PARVB: variants seen among roughly 807,000 people sequenced by gnomAD.
PARVB encodes the protein parvin beta, also known as beta-parvin.
Under a neutral mutation model 47.0 loss-of-function variants are expected in PARVB, and 46 were observed. The ratio of observed to expected loss-of-function variants is 0.98; its 90% CI spans 0.77 to 1.25. PARVB has a LOEUF of 1.25. Among genes scored for constraint, PARVB ranks in the 50% most tolerant of loss-of-function variants. The probability of loss-of-function intolerance (pLI) is 0.00; values close to 1 mark genes in which losing one functional copy is unlikely to be tolerated. For synonymous variants in PARVB, 196 were observed against 196.3 expected, an observed-to-expected ratio of 1.00 and a Z score of 0.01; for missense variants, 473 against 471.6, an observed-to-expected ratio of 1.00 and a Z score of -0.03.
chr22:44,075,371 G>A (rs936946098), intron 1 of PARVB, among the ~76,000 whole-genome samples: 2 of 152,342 alleles, frequency 1.3e-5, no homozygotes, highest in South Asian at 2.1e-4. Flanking sequence ...GAGATTTCCC[G>A]TGACTGCACG....
Position 44,007,548 on chromosome 22 carries a change from G to T in PARVB, c.211+7875G>T, listed in dbSNP as rs1368010071. Among the ~76,000 whole-genome samples the T allele has an allele frequency of 5.9e-5, 9 of 152,120 alleles. No homozygotes were observed. In the East Asian group the frequency reaches 1.7e-3, roughly 29 times the overall value. Reference sequence around the variant, plus strand: ...GGAAGTCTCCATCTCCTTCCTTCCTGTAGATTCCTCTTCTCCACGAGAAAG... The same window carrying T: ...GGAAGTCTCCATCTCCTTCCTTCCTTTAGATTCCTCTTCTCCACGAGAAAG... On this transcript the variant is annotated intron_variant, in intron 2 of 13. Transcript: ENST00000406477.
chr22:44,086,125 G>A (rs186870381), intron 1 of PARVB, among the ~76,000 whole-genome samples: 7 of 152,240 alleles, frequency 4.6e-5, no homozygotes, highest in East Asian at 1.9e-4. Flanking sequence ...TGTCAGCACC[G>A]TTCAGAAACT....
chr22:44,025,666 T>G (rs964606909), intron 1 of PARVB, among the ~76,000 whole-genome samples: 8 of 152,188 alleles, frequency 5.3e-5, no homozygotes, highest in African/African-American at 1.7e-4. Flanking sequence ...CCACTGTAGC[T>G]TGTATTGGTC....
At chr22:44,064,393 G>T (rs1006350811) in intron 1 of PARVB, among the ~76,000 whole-genome samples, 6 of 152,194 alleles carry the variant, frequency 3.9e-5, no homozygotes, top group African/African-American at 1.2e-4. Flanking sequence ...AATGTGTGTG[G>T]ACTCGCGTTT....
At chr22:44,098,258 T>C (rs760687302) in intron 2 of PARVB, among the ~76,000 whole-genome samples, 3 of 152,170 alleles carry the variant, frequency 2.0e-5, no homozygotes, top group Non-Finnish European at 4.4e-5. Context: ...GGCCTGGCCC[T>C]GCTCCTTGCC....
rs78561432 is a variant in PARVB, at chr22:44,148,094, C to T, written c.774+172C>T. ...ACCTAACCACAGTGCATAAAATCAG[C>T]GCCTTTTAACTCAACCTCGCTGCTC... On this transcript the variant is annotated intron_variant, in intron 9 of 12. Transcript: ENST00000338758. 3.7e-3 allele frequency: 2,366 copies of T among 632,902 alleles called. 39 individuals carry two copies. Among genetic ancestry groups the T allele is most frequent in the African/African-American group, 0.037 (2,071 of 55,524 alleles). The allele number at this position is 632,902 out of a possible 1,614,324, so 39.2% of individuals were successfully genotyped here.
At chr22:44,087,455 G>C (rs1019010336) in intron 1 of PARVB, among the ~76,000 whole-genome samples, 4 of 152,194 alleles carry the variant, frequency 2.6e-5, no homozygotes, top group African/African-American at 9.6e-5. Context: ...AGGCTCTTGG[G>C]CCCGTGATTG....
intron 1 of PARVB, among the ~76,000 whole-genome samples, chr22:44,038,329 C>T (rs1413912852): frequency 1.3e-5 from 2 of 152,206 alleles, no homozygotes; most frequent in South Asian, 4.1e-4. Context: ...TGAGGCCAGA[C>T]TGCATGGGCT....
intron 3 of PARVB, chr22:44,110,464 C>G (rs1020426067): frequency 1.3e-5 from 2 of 152,198 alleles, no homozygotes; most frequent in African/African-American, 4.8e-5. Flanking sequence ...GTCAGTCCCA[C>G]AGTTTCGACG....
chr22:44,085,052 CTTTCA>C (rs2051993177), intron 1 of PARVB, among the ~76,000 whole-genome samples: 1 of 152,208 alleles, frequency 6.6e-6, no homozygotes, highest in Non-Finnish European at 1.5e-5. Context: ...GGAGCATGCC[CTTTCA>C]TTTCTTTTTC....
At chr22:44,027,066 G>A (rs1222015667) in intron 1 of PARVB, among the ~76,000 whole-genome samples, 1 of 152,062 alleles carries the variant, frequency 6.6e-6, no homozygotes, top group Non-Finnish European at 1.5e-5. Context: ...TACGGGAGGC[G>A]TGTCACGTGG....
intron 1 of PARVB, among the ~76,000 whole-genome samples, chr22:44,061,480 C>G (rs1179332222): frequency 6.6e-6 from 1 of 150,936 alleles, no homozygotes; most frequent in Non-Finnish European, 1.5e-5. Flanking sequence ...ACAGTGAAGT[C>G]ACCAACAAAT....
At chr22:44,150,539 C>T (rs5764562) in intron 9 of PARVB, 59,337 of 151,574 alleles carry the variant, frequency 0.39, 12,503 homozygotes, top group East Asian at 0.79. Flanking sequence ...GGCTTGGTGA[C>T]GGGTGCTTGT....
rs142010281 is a variant in PARVB at position 44,101,932 on chromosome 22, C to G, written c.273+1809C>G. Among the ~76,000 whole-genome samples, 50 of 152,184 alleles carry G rather than the reference C, an allele frequency of 3.3e-4. No homozygotes were observed. In the East Asian group the frequency reaches 7.3e-3, roughly 22 times the overall value. ...GTCTTTTAGCCACGAAAATGTTGTT[C>G]TTGGGGGATATTTAAGCAAGGGATG... On this transcript the variant is annotated intron_variant, in intron 3 of 12. Coordinates refer to ENST00000338758, the MANE Select transcript of PARVB (RefSeq NM_013327.5).
intron 1 of PARVB, among the ~76,000 whole-genome samples, chr22:44,055,139 T>C (rs936018087): frequency 6.6e-6 from 1 of 151,892 alleles, no homozygotes; most frequent in Non-Finnish European, 1.5e-5. Context: ...GTTTACTGAC[T>C]AATATTAAGG....
At chr22:44,032,519 G>A (rs879561468) in intron 1 of PARVB, among the ~76,000 whole-genome samples, 15 of 152,092 alleles carry the variant, frequency 9.9e-5, no homozygotes, top group African/African-American at 2.4e-4. Context: ...TGCCCGTCGC[G>A]GTGGTGCAGT....
intron 1 of PARVB, among the ~76,000 whole-genome samples, chr22:44,059,500 T>G (rs1179457015): frequency 6.6e-6 from 1 of 152,166 alleles, no homozygotes; most frequent in Non-Finnish European, 1.5e-5. Flanking sequence ...TTCTGCTGAG[T>G]CATTTCATCC....
intron 1 of PARVB, among the ~76,000 whole-genome samples, chr22:44,030,589 G>A (rs1032343953): frequency 6.6e-6 from 1 of 152,114 alleles, no homozygotes; most frequent in African/African-American, 2.4e-5. Flanking sequence ...ATGGGGGAAC[G>A]GCGGGGAGGC....
rs1469533713 is a variant in PARVB, at chr22:44,170,115, C to T, written c.*1437C>T. 7.1e-6 allele frequency: 1 copy of T among 140,584 alleles called. No homozygotes were observed. The highest frequency in any genetic ancestry group is 1.5e-5 in the Non-Finnish European group (1 of 68,012). The allele number at this position is 140,584 out of a possible 1,614,324, so 8.7% of individuals were successfully genotyped here. Reference sequence around the variant, plus strand: ...TCCCAGGCTCAATTGATCCTCCCACCTCAGCCTCCCAAGTAGCGGGGACCA... The same window carrying T: ...TCCCAGGCTCAATTGATCCTCCCACTTCAGCCTCCCAAGTAGCGGGGACCA... On this transcript the variant is annotated 3_prime_UTR_variant, in exon 13 of 13. Coordinates refer to ENST00000338758, the MANE Select transcript of PARVB (RefSeq NM_013327.5).
Sources: allele counts gnomAD v4.1 joint callset (sites outside exome capture counted in the v4.1 genomes callset), GRCh38; gene constraint gnomAD v4.1.1; transcripts MANE v1.5; gene names NCBI Gene and HGNC (gene_info 2026-07-23, HGNC 2026-07-21).